The following CSMD1 variants were observed in gnomAD, a reference collection of about 807,000 sequenced individuals.
CSMD1 encodes CUB and sushi domain-containing protein 1.
A neutral mutation model predicts 417.5 loss-of-function variants in CSMD1; 213 were observed. That is an observed-to-expected ratio of 0.51 (90% confidence interval 0.46 to 0.57). CSMD1 has a LOEUF of 0.57. CSMD1 is among the 20% of genes least tolerant of loss of function. CSMD1 has a pLI of 0.00. For synonymous variants in CSMD1, 2,862 were observed against 1,736.8 expected, an observed-to-expected ratio of 1.65 and a Z score of -16.11; for missense variants, 6,923 against 4,529.7, an observed-to-expected ratio of 1.53 and a Z score of -15.17.
chr8:4,286,233 C>T (rs1220561085), intron 3 of CSMD1, among the ~76,000 whole-genome samples: 1 of 152,132 alleles, frequency 6.6e-6, no homozygotes, highest in African/African-American at 2.4e-5. Context: ...TTGCCAAGCT[C>T]CATTGCGTCT....
intron 3 of CSMD1, among the ~76,000 whole-genome samples, chr8:4,349,494 C>T (rs1022798439): frequency 6.6e-6 from 1 of 152,278 alleles, no homozygotes; most frequent in East Asian, 1.9e-4. Flanking sequence ...AGAGCTCTAT[C>T]TAGAATCTAC....
At chr8:2,992,326 G>C (rs974321966) in intron 54 of CSMD1, among the ~76,000 whole-genome samples, 1 of 152,188 alleles carries the variant, frequency 6.6e-6, no homozygotes, top group African/African-American at 2.4e-5. Flanking sequence ...CTGGGAACTA[G>C]ACAGAGGTGA....
intron 37 of CSMD1, among the ~76,000 whole-genome samples, chr8:3,171,548 G>A (rs1047760006): frequency 6.6e-6 from 1 of 152,236 alleles, no homozygotes; most frequent in African/African-American, 2.4e-5. Context: ...TCCATGTCTA[G>A]ACTCTTTATT....
chr8:3,365,537 T>G (rs374579991), intron 20 of CSMD1, among the ~76,000 whole-genome samples: 1 of 152,210 alleles, frequency 6.6e-6, no homozygotes, highest in Admixed American at 6.5e-5. Flanking sequence ...AATAAATACA[T>G]TGACAATTTT....
At chr8:4,209,246 G>C (rs1254055341) in intron 3 of CSMD1, among the ~76,000 whole-genome samples, 1 of 152,020 alleles carries the variant, frequency 6.6e-6, no homozygotes, top group Non-Finnish European at 1.5e-5. Flanking sequence ...ATTTCTAAAC[G>C]AAAAAGAGGC....
intron 3 of CSMD1, among the ~76,000 whole-genome samples, chr8:4,130,792 G>A (rs888904846): frequency 2.6e-5 from 4 of 151,700 alleles, no homozygotes; most frequent in Admixed American, 1.3e-4. Flanking sequence ...ATCTGTCAAT[G>A]CTTACAAATT....
rs186528043 is a variant in CSMD1 at position 3,613,222 on chromosome 8, G to T, written c.1097+3488C>A. 965 of 350,112 alleles carry T rather than the reference G, an allele frequency of 2.8e-3. 16 individuals carry two copies. In the Admixed American group the frequency reaches 0.029, roughly 10 times the overall value. The allele number at this position is 350,112 out of a possible 1,614,324, so 21.7% of individuals were successfully genotyped here. On this transcript the variant is annotated intron_variant, in intron 8 of 69. Transcript: ENST00000635120. ...ATCAAAGCTCACTGAAGTAGAAGTA[G>T]ATCATCTACATAAGCCTGTAAGTAG...
intron 7 of CSMD1, among the ~76,000 whole-genome samples, chr8:3,628,588 G>T (rs939888507): frequency 6.6e-6 from 1 of 152,190 alleles, no homozygotes; most frequent in South Asian, 2.1e-4. Context: ...TGGGCATCAT[G>T]GCAAGTGCAG....
chr8:3,303,628 C>A (rs989284132), intron 25 of CSMD1, among the ~76,000 whole-genome samples: 1 of 152,104 alleles, frequency 6.6e-6, no homozygotes, highest in Non-Finnish European at 1.5e-5. Context: ...GGCAGAAAAG[C>A]AATTAAAGCT....
chr8:3,927,878 A>G (rs1263613644), intron 5 of CSMD1, among the ~76,000 whole-genome samples: 1 of 152,182 alleles, frequency 6.6e-6, no homozygotes, highest in Non-Finnish European at 1.5e-5. Context: ...AAACATTCTT[A>G]ATATGAGAGT....
chr8:3,295,789 G>C (rs2117307364), intron 25 of CSMD1, among the ~76,000 whole-genome samples: 1 of 152,258 alleles, frequency 6.6e-6, no homozygotes, highest in Admixed American at 6.5e-5. Flanking sequence ...TTGTGGAATG[G>C]TGTCTTGTTT....
At chr8:4,693,030 G>A (rs970750032) in intron 1 of CSMD1, among the ~76,000 whole-genome samples, 1 of 152,142 alleles carries the variant, frequency 6.6e-6, no homozygotes, top group African/African-American at 2.4e-5. Context: ...CCTGTCCAGA[G>A]GCCAATCTTC....
At chr8:4,738,617 T>C (rs1033822659) in intron 1 of CSMD1, among the ~76,000 whole-genome samples, 3 of 152,164 alleles carry the variant, frequency 2.0e-5, no homozygotes, top group Non-Finnish European at 4.4e-5. Context: ...AGCATCTGTA[T>C]TTTAAATATA....
intron 3 of CSMD1, among the ~76,000 whole-genome samples, chr8:4,259,004 G>A (rs772980206): frequency 1.3e-5 from 2 of 152,222 alleles, no homozygotes; most frequent in South Asian, 2.1e-4. Context: ...TCCTGCAGAA[G>A]AGACGTTTGT....
intron 52 of CSMD1, among the ~76,000 whole-genome samples, chr8:3,004,933 G>A (rs1807747399): frequency 6.6e-6 from 1 of 152,166 alleles, no homozygotes; most frequent in African/African-American, 2.4e-5. Context: ...GAGGTCAGGA[G>A]TTCGAGACCA....
At chr8:4,028,508 G>GA (rs368939894) in intron 4 of CSMD1, among the ~76,000 whole-genome samples, 2,129 of 149,324 alleles carry the variant, frequency 0.014, 26 homozygotes, top group Middle Eastern at 0.044. Flanking sequence ...ACAAAAAAAG[G>GA]AAAAAAAAAT....
At chr8:2,982,689 A>C (rs1805527180) in intron 54 of CSMD1, among the ~76,000 whole-genome samples, 3 of 152,214 alleles carry the variant, frequency 2.0e-5, no homozygotes, top group Admixed American at 2.0e-4. Context: ...TGTGCTCACT[A>C]ACCAGTGTTT....
chr8:3,908,130 C>G (rs1334825360), intron 5 of CSMD1, among the ~76,000 whole-genome samples: 1 of 152,138 alleles, frequency 6.6e-6, no homozygotes, highest in East Asian at 1.9e-4. Flanking sequence ...CTGAGAATAA[C>G]AAATACATGG....
At chr8:3,487,410 C>T (rs192878694) in intron 11 of CSMD1, among the ~76,000 whole-genome samples, 42 of 152,174 alleles carry the variant, frequency 2.8e-4, no homozygotes, top group Non-Finnish European at 4.4e-4. Flanking sequence ...ACCATGTTAG[C>T]CAGGATGGTC....
Sources: allele counts gnomAD v4.1 joint callset (sites outside exome capture counted in the v4.1 genomes callset), GRCh38; gene constraint gnomAD v4.1.1; transcripts MANE v1.5; gene names NCBI Gene and HGNC (gene_info 2026-07-23, HGNC 2026-07-21).